HEXB: variants seen among roughly 807,000 people sequenced by gnomAD.
The protein encoded by HEXB is hexosaminidase subunit beta, also known as beta-hexosaminidase subunit beta.
HEXB carries 51 observed loss-of-function variants against 71.2 expected under a neutral mutation model. That is an observed-to-expected ratio of 0.72 (90% CI 0.57 to 0.90). The LOEUF is 0.90. Ranked by LOEUF, HEXB falls within the 40% of genes least tolerant of loss-of-function variation. HEXB has a pLI of 0.00. For synonymous variants in HEXB, 266 were observed against 249.3 expected (o/e 1.07, Z -0.63); for missense variants, 617 against 677.0 (o/e 0.91, Z 0.98).
exon 1 of HEXB, chr5:74,640,466 G>C (rs530057321): frequency 7.9e-5 from 12 of 152,440 alleles, no homozygotes; most frequent in African/African-American, 2.9e-4. Flanking sequence ...ATGGCTCGCG[G>C]ACCGGCTACC....
chr5:74,716,803 C>G, intron 9 of HEXB, 130 bp downstream of exon 9: 1 of 617,756 alleles, frequency 1.6e-6, no homozygotes, highest in South Asian at 1.8e-5. Context: ...CTAAAGGAGG[C>G]AATACCCACT....
intron 1 of HEXB, among the ~76,000 whole-genome samples, chr5:74,686,551 C>T (rs1037309980): frequency 2.0e-5 from 3 of 152,094 alleles, no homozygotes; most frequent in Non-Finnish European, 4.4e-5. Flanking sequence ...GTGTTCTGAC[C>T]CCAGATAGGA....
chr5:74,662,594 C>T (rs1748348235), intron 1 of HEXB, among the ~76,000 whole-genome samples: 1 of 152,134 alleles, frequency 6.6e-6, no homozygotes, highest in South Asian at 2.1e-4. Flanking sequence ...TTTTAAGGTG[C>T]TGTTTGCAAA....
chr5:74,686,239 A>AC (rs1748868801), intron 1 of HEXB, among the ~76,000 whole-genome samples: 1 of 151,892 alleles, frequency 6.6e-6, no homozygotes, highest in African/African-American at 2.4e-5. Context: ...TGTCTCTCTC[A>AC]CCCTTTGGCT....
chr5:74,699,768 T>G (rs1366097857), intron 5 of HEXB, among the ~76,000 whole-genome samples: 1 of 152,084 alleles, frequency 6.6e-6, no homozygotes, highest in Non-Finnish European at 1.5e-5. Flanking sequence ...ATATTTTATT[T>G]TTTGGTACAT....
At chr5:74,717,430 A>G (rs544139187) in intron 9 of HEXB, among the ~76,000 whole-genome samples, 3 of 151,978 alleles carry the variant, frequency 2.0e-5, no homozygotes, top group African/African-American at 7.3e-5. Context: ...CCACATGTCA[A>G]GTGTTCAGTA....
At chr5:74,720,120 G>A (rs571209213) in intron 11 of HEXB, 14 of 363,400 alleles carry the variant, frequency 3.9e-5, no homozygotes, top group South Asian at 3.6e-4. Flanking sequence ...TGGTGTCCAG[G>A]TAAGTTTGCA....
chr5:74,690,676 A>T (rs1401275282), intron 2 of HEXB, among the ~76,000 whole-genome samples: 3 of 22,406 alleles, frequency 1.3e-4, no homozygotes, highest in African/African-American at 1.5e-4. Context: ...AAAAAAAAAA[A>T]AAAAAAAAAA....
chr5:74,655,655 T>C (rs1238217404), intron 1 of HEXB, among the ~76,000 whole-genome samples: 1 of 152,204 alleles, frequency 6.6e-6, no homozygotes, highest in Middle Eastern at 3.2e-3. Context: ...TCATTTTAAT[T>C]ATTTCTTGAA....
At position 74,652,547 on chromosome 5, in the gene HEXB, A is replaced by G. The variant is rs1432343467; in HGVS notation, c.-377+11989A>G. Among the ~76,000 whole-genome samples, 1 of 152,240 alleles carries G rather than the reference A, an allele frequency of 6.6e-6. No individual in the cohort carries two copies. Among genetic ancestry groups the G allele is most frequent in the Non-Finnish European group, 1.5e-5 (1 of 68,042 alleles). On this transcript the variant is annotated intron_variant, in intron 1 of 13. Coordinates refer to the HEXB transcript ENST00000511181. This position sits in a 1 kb window ranked among gnomAD's most constrained non-coding sequence, Gnocchi z 5.4. ...GTATAGTTAGGACAAACAGACCATA[A>G]GAAAATGTAACTTAATTTTTCTAGA... is the stretch of plus-strand genomic sequence containing the variant.
intron 1 of HEXB, among the ~76,000 whole-genome samples, chr5:74,667,940 A>T (rs564681120): frequency 6.6e-6 from 1 of 152,278 alleles, no homozygotes; most frequent in East Asian, 1.9e-4. Flanking sequence ...TATTAACATA[A>T]ATTACCACAC....
intron 1 of HEXB, among the ~76,000 whole-genome samples, chr5:74,667,283 G>T (rs1337261775): frequency 6.6e-6 from 1 of 152,004 alleles, no homozygotes; most frequent in East Asian, 1.9e-4. Flanking sequence ...TCCAGGCATG[G>T]TGGTGCATGC....
At chr5:74,645,364 G>C (rs1443751783) in intron 1 of HEXB, among the ~76,000 whole-genome samples, 2 of 152,116 alleles carry the variant, frequency 1.3e-5, no homozygotes, top group Non-Finnish European at 2.9e-5. Context: ...ATGGTACCTG[G>C]CTCCATATAG....
At chr5:74,662,623 T>A (rs940401603) in intron 1 of HEXB, among the ~76,000 whole-genome samples, 1 of 152,212 alleles carries the variant, frequency 6.6e-6, no homozygotes, top group Non-Finnish European at 1.5e-5. Context: ...CCAAAATGAC[T>A]GTACCAATCT....
chr5:74,710,778 TAAAAG>T (rs1749521494), intron 6 of HEXB, among the ~76,000 whole-genome samples: 1 of 151,782 alleles, frequency 6.6e-6, no homozygotes, highest in Non-Finnish European at 1.5e-5. Flanking sequence ...CTCAATGAAA[TAAAAG>T]AGGATACAAA....
chr5:74,713,522 C>T lies in HEXB; in HGVS notation c.788C>T (p.Ser263Phe). Reference protein sequence around the residue: ...ELSNKGSYSLSHVYTPNDVRM... With the variant: ...ELSNKGSYSLFHVYTPNDVRM... ...CTTTTACAGGGAAGCTATTCTTTGT[C>T]TCATGTTTATACACCAAATGATGTC... The change falls in exon 7 of 14, where the codon TCT (serine) becomes TTT (phenylalanine). Residue 263 changes from serine to phenylalanine, a missense_variant. Physicochemically the swap from Ser to Phe is radical, Grantham distance 155. Coordinates refer to ENST00000261416, the MANE Select transcript of HEXB (RefSeq NM_000521.4). 1.9e-6 allele frequency: 3 copies of T among 1,611,440 alleles called. No individual in the cohort carries two copies. The highest frequency in any genetic ancestry group is 2.5e-6 in the Non-Finnish European group (3 of 1,177,638).
chr5:74,693,556 A>G (rs1471942188), intron 2 of HEXB, 83 bp from the exon 3 acceptor site: 1 of 963,140 alleles, frequency 1.0e-6, no homozygotes, highest in Non-Finnish European at 1.7e-6. Context: ...GTCCAGAAAT[A>G]TCAATGACAT....
chr5:74,718,773 T>C (rs773098239), intron 10 of HEXB, 24 bp from the exon 11 acceptor site: 15 of 1,609,452 alleles, frequency 9.3e-6, no homozygotes, highest in Non-Finnish European at 1.3e-5. Flanking sequence ...TAATAATATG[T>C]ATTGCAATTT....
chr5:74,721,265 A>C lies in HEXB; in HGVS notation c.*90A>C. 9.4e-7 allele frequency: 1 copy of C among 1,068,574 alleles called. No individual in the cohort carries two copies. Among genetic ancestry groups the C allele is most frequent in the Non-Finnish European group, 1.4e-6 (1 of 692,672 alleles). The allele number at this position is 1,068,574 out of a possible 1,614,324, so 66.2% of individuals were successfully genotyped here. On this transcript the variant is annotated 3_prime_UTR_variant, in exon 14 of 14. Coordinates refer to ENST00000261416, the MANE Select transcript of HEXB (RefSeq NM_000521.4). ...AAATAAGATATTAGACTGTTTTTTG[A>C]ATAAAATATTTTTATTGATTGAACC... is the stretch of plus-strand genomic sequence containing the variant.
Sources: gnomAD v4.1 joint callset for allele counts (sites outside exome capture counted in the v4.1 genomes callset) on GRCh38, gnomAD v4.1.1 for gene constraint, Gnocchi (gnomAD v3.1) non-coding constraint, MANE v1.5 for transcripts, NCBI Gene and HGNC (gene_info 2026-07-23, HGNC 2026-07-21) for gene names.